Variants in PRKAR1A observed in about 807,000 individuals in gnomAD.
PRKAR1A encodes protein kinase cAMP-dependent type I regulatory subunit alpha.
PRKAR1A carries 3 observed loss-of-function variants against 52.0 expected under a neutral mutation model. That is an observed-to-expected ratio of 0.06 (90% confidence interval 0.03 to 0.15). The LOEUF is 0.15. Among genes scored for constraint, PRKAR1A ranks in the 10% least tolerant of loss-of-function variants. PRKAR1A has a pLI of 1.00. For missense variants in PRKAR1A, 240 were observed against 477.4 expected, an observed-to-expected ratio of 0.50 and a Z score of 4.63; for synonymous variants, 188 against 168.4, an observed-to-expected ratio of 1.12 and a Z score of -0.90.
chr17:68,464,707 A>G, the PRKAR1A span, among the ~76,000 whole-genome samples: 1 of 148,284 alleles, frequency 6.7e-6, no homozygotes, highest in Non-Finnish European at 1.5e-5. Flanking sequence ...AACAAAAAAA[A>G]CAAAAAAAAC....
chr17:68,417,923 G>A, the PRKAR1A span, among the ~76,000 whole-genome samples: 1 of 151,402 alleles, frequency 6.6e-6, no homozygotes, highest in Non-Finnish European at 1.5e-5. Context: ...GTAGAGACGG[G>A]GTTTTACCAT....
chr17:68,444,409 C>T, the PRKAR1A span: 15 of 1,298,972 alleles, frequency 1.2e-5, no homozygotes, highest in East Asian at 9.3e-5. Flanking sequence ...GCTTCACGTT[C>T]GCAATTTGGA....
intron 11 of PRKAR1A, among the ~76,000 whole-genome samples, chr17:68,544,678 G>T (rs2086466970): frequency 6.6e-6 from 1 of 152,168 alleles, no homozygotes; most frequent in African/African-American, 2.4e-5. Flanking sequence ...CAAAAGTAGA[G>T]ATTCTATTTT....
At chr17:68,506,482 A>AT in the PRKAR1A span, among the ~76,000 whole-genome samples, 61 of 147,464 alleles carry the variant, frequency 4.1e-4, no homozygotes, top group East Asian at 8.6e-3. Context: ...AGACTGTGAA[A>AT]TTTTTTTTTT....
chr17:68,528,330 G>A (rs1216139808), intron 8 of PRKAR1A, among the ~76,000 whole-genome samples: 1 of 152,154 alleles, frequency 6.6e-6, no homozygotes, highest in Non-Finnish European at 1.5e-5. Context: ...ACAGGCTTCT[G>A]CCATTGTTTA....
At position 68,532,609 on chromosome 17, in the gene PRKAR1A, AT is replaced by A. The variant is rs2086006783; in HGVS notation, c.*2163del. 9.4e-7 allele frequency: 1 copy of A among 1,066,236 alleles called. No homozygotes were observed. The highest frequency in any genetic ancestry group is 1.1e-6 in the Non-Finnish European group (1 of 879,608). 66.0% of individuals were successfully genotyped at this position (1,066,236 alleles called of 1,614,324 possible). A position where few individuals can be genotyped will look rare whatever the true frequency, so the allele number is the denominator to read the frequency against. On this transcript the variant is annotated 3_prime_UTR_variant, in exon 11 of 11. Coordinates refer to ENST00000589228, the MANE Select transcript of PRKAR1A (RefSeq NM_002734.5). Reference sequence around the variant, plus strand: ...TGGGCTTGGTAAGTGAATTTATGAGATTTACTGCTCTAGAAAGTATAGATGG... The same window carrying A: ...TGGGCTTGGTAAGTGAATTTATGAGATTACTGCTCTAGAAAGTATAGATGG...
chr17:68,481,592 G>T, the PRKAR1A span, among the ~76,000 whole-genome samples: 13 of 152,338 alleles, frequency 8.5e-5, no homozygotes, highest in South Asian at 2.7e-3. Flanking sequence ...GTACTGGTCT[G>T]TAGCCCAGGG....
downstream of PRKAR1A, chr17:68,536,469 CA>C: frequency 2.2e-6 from 1 of 454,122 alleles, no homozygotes; most frequent in South Asian, 1.6e-5. Flanking sequence ...ATCCCTACTA[CA>C]CTTTCTTCTA....
chr17:68,543,495 G>A (rs2086404620), intron 11 of PRKAR1A: 4 of 758,454 alleles, frequency 5.3e-6, no homozygotes, highest in African/African-American at 5.1e-5. Context: ...AAGACACCAC[G>A]ATGAGGCACG....
At chr17:68,444,731 G>C in the PRKAR1A span, 1 of 619,094 alleles carries the variant, frequency 1.6e-6, no homozygotes, top group East Asian at 2.9e-5. Flanking sequence ...TGAAGATTGT[G>C]TTTATGGATG....
At chr17:68,496,970 C>T in the PRKAR1A span, among the ~76,000 whole-genome samples, 2 of 151,804 alleles carry the variant, frequency 1.3e-5, no homozygotes, top group Non-Finnish European at 2.9e-5. Context: ...ACTATAGGCA[C>T]ACACCACCAT....
At chr17:68,446,620 G>C in the PRKAR1A span, among the ~76,000 whole-genome samples, 1 of 152,166 alleles carries the variant, frequency 6.6e-6, no homozygotes, top group Non-Finnish European at 1.5e-5. Flanking sequence ...TCCAATCACT[G>C]TGCCTTTTGC....
chr17:68,541,850 G>A lies in PRKAR1A; in HGVS notation c.974-9234G>A, dbSNP rs1005072703. ...AACAGACCCAGGCCTGCTGATCCCA[G>A]GATCAATATGAAATGGGGCAAAGGA... On this transcript the variant is annotated intron_variant, in intron 11 of 11. Transcript: ENST00000585981. 6.5e-6 allele frequency: 7 copies of A among 1,084,842 alleles called. No individual in the cohort carries two copies. In the African/African-American group the frequency reaches 1.1e-4, roughly 17 times the overall value. 67.2% of individuals were successfully genotyped at this position (1,084,842 alleles called of 1,614,324 possible). A position where few individuals can be genotyped will look rare whatever the true frequency, so the allele number is the denominator to read the frequency against.
At chr17:68,519,793 A>G (rs1475681738) in intron 2 of PRKAR1A, among the ~76,000 whole-genome samples, 1 of 152,230 alleles carries the variant, frequency 6.6e-6, no homozygotes, top group East Asian at 1.9e-4. Context: ...GAGGAATTAA[A>G]ATAACAGTGA....
chr17:68,541,033 C>G lies in PRKAR1A; in HGVS notation c.974-10051C>G, dbSNP rs920707333. The G allele has an allele frequency of 3.9e-6, 6 of 1,545,256 alleles. No individual in the cohort carries two copies. In the Admixed American group the frequency reaches 1.2e-4, roughly 30 times the overall value. On this transcript the variant is annotated intron_variant, in intron 11 of 11. Coordinates refer to the PRKAR1A transcript ENST00000585981. ...GTCGGGGGTCTCCCCACACCTCCCC[C>G]TGCCCCCCCAATCCCTGCCTCCCTG...
chr17:68,486,470 TCTCC>T, the PRKAR1A span, among the ~76,000 whole-genome samples: 6 of 86,080 alleles, frequency 7.0e-5, no homozygotes, highest in South Asian at 4.3e-4. Flanking sequence ...TCTTTCTTTC[TCTCC>T]TTCCTTCCTT....
At chr17:68,540,955 C>T (rs1402339576) in intron 11 of PRKAR1A, 1 of 1,585,290 alleles carries the variant, frequency 6.3e-7, no homozygotes, top group Non-Finnish European at 8.6e-7. Flanking sequence ...GATTGACCTC[C>T]CACCTGAGGG....
At chr17:68,426,254 G>GCCCCCCCCCC in the PRKAR1A span, 10 of 816,868 alleles carry the variant, frequency 1.2e-5, no homozygotes, top group East Asian at 3.5e-5. Flanking sequence ...GGGAGCGGGG[G>GCCCCCCCCCC]CTCAAATAAA....
upstream of PRKAR1A, among the ~76,000 whole-genome samples, chr17:68,509,680 G>A (rs1038732582): frequency 1.3e-5 from 2 of 152,138 alleles, no homozygotes; most frequent in Non-Finnish European, 2.9e-5. Context: ...TGGCACAGTG[G>A]CACTGAAAGA....
Sources: allele counts gnomAD v4.1 joint callset (sites outside exome capture counted in the v4.1 genomes callset), GRCh38; gene constraint gnomAD v4.1.1; transcripts MANE v1.5; gene names NCBI Gene and HGNC (gene_info 2026-07-23, HGNC 2026-07-21).